Variants in GYPB observed in about 807,000 individuals in gnomAD.
GYPB encodes glycophorin-B.
A neutral mutation model predicts 15.3 loss-of-function variants in GYPB; 13 were observed. The ratio of observed to expected loss-of-function variants is 0.85; its 90% confidence interval spans 0.55 to 1.35. The LOEUF (loss-of-function observed/expected upper bound fraction) is 1.35, where lower values mean the gene tolerates loss of function less well. GYPB is among the 40% of genes most tolerant of loss of function. The pLI, the probability that GYPB is intolerant of heterozygous loss-of-function variation, is 0.00. For synonymous variants in GYPB, 38 were observed against 36.9 expected, an observed-to-expected ratio of 1.03 and a Z score of -0.11; for missense variants, 131 against 108.3, an observed-to-expected ratio of 1.21 and a Z score of -0.93.
At chr4:144,014,507 T>C (rs1460487127) in intron 1 of GYPB, among the ~76,000 whole-genome samples, 1 of 149,650 alleles carries the variant, frequency 6.7e-6, no homozygotes, top group Non-Finnish European at 1.5e-5. Context: ...TGAACTTTAT[T>C]TTAGGTGAAA....
At chr4:144,016,792 A>T in intron 1 of GYPB, 1 of 428,994 alleles carries the variant, frequency 2.3e-6, no homozygotes, top group Non-Finnish European at 4.6e-6. Flanking sequence ...CCTTGAAAAC[A>T]CTAACTTACC....
intron 1 of GYPB, among the ~76,000 whole-genome samples, chr4:144,005,997 T>C (rs1396942685): frequency 2.6e-5 from 4 of 151,554 alleles, no homozygotes; most frequent in Non-Finnish European, 5.9e-5. Context: ...ATCTCTCAGA[T>C]TGATAAGAGT....
At chr4:144,011,390 C>A (rs567416588) in intron 1 of GYPB, among the ~76,000 whole-genome samples, 1 of 151,222 alleles carries the variant, frequency 6.6e-6, no homozygotes, top group South Asian at 2.1e-4. Flanking sequence ...CAAAATAAAG[C>A]AATAAATACA....
chr4:144,009,341 C>A (rs1436959775), intron 1 of GYPB, among the ~76,000 whole-genome samples: 4 of 151,252 alleles, frequency 2.6e-5, no homozygotes, highest in African/African-American at 9.9e-5. Context: ...GATCCCTTAG[C>A]ACAAGTATTA....
rs538604432 is a variant in GYPB at position 144,011,437 on chromosome 4, G to C, written c.37+7814C>G. On this transcript the variant is annotated intron_variant, in intron 1 of 4. Coordinates refer to ENST00000502664, the MANE Select transcript of GYPB (RefSeq NM_002100.6). ...ACAGGAATAACCATATTAATCTTAG[G>C]CAAAGTAGAATTAAGAGAAAAGACA... is the stretch of plus-strand genomic sequence containing the variant. Among the ~76,000 whole-genome samples, 83 of 151,142 alleles carry C rather than the reference G, an allele frequency of 5.5e-4. 5 individuals carry two copies. Among genetic ancestry groups the C allele is most frequent in the African/African-American group, 1.9e-3 (78 of 40,518 alleles).
intron 1 of GYPB, among the ~76,000 whole-genome samples, chr4:144,007,480 C>T (rs1039228976): frequency 8.6e-5 from 13 of 150,952 alleles, no homozygotes; most frequent in African/African-American, 2.7e-4. Context: ...TTCAGGAAGC[C>T]TGAACTTTTT....
At chr4:143,996,964 T>C (rs1420243812) in intron 4 of GYPB, among the ~76,000 whole-genome samples, 1 of 150,956 alleles carries the variant, frequency 6.6e-6, no homozygotes, top group Non-Finnish European at 1.5e-5. Context: ...TGGAGTGCAG[T>C]AGCATGATCA....
intron 1 of GYPB, chr4:144,016,816 T>C (rs1728524100): frequency 6.7e-6 from 3 of 450,540 alleles, no homozygotes; most frequent in South Asian, 1.6e-5. Context: ...TGTTTCAGAA[T>C]TTTTGCTCTT....
chr4:144,018,926 A>G (rs1728644485), intron 1 of GYPB, among the ~76,000 whole-genome samples: 2 of 151,504 alleles, frequency 1.3e-5, no homozygotes, highest in Non-Finnish European at 1.5e-5. Flanking sequence ...GAATCTCCTT[A>G]TAACTCAAAC....
At chr4:144,000,323 G>T (rs1043059268) in intron 2 of GYPB, 19 of 346,442 alleles carry the variant, frequency 5.5e-5, no homozygotes, top group Non-Finnish European at 8.1e-5. Flanking sequence ...TACAGCTCGT[G>T]TAAATAGAGT....
intron 3 of GYPB, among the ~76,000 whole-genome samples, chr4:143,998,791 G>A (rs1727455899): frequency 6.9e-6 from 1 of 144,822 alleles, no homozygotes; most frequent in African/African-American, 2.6e-5. Flanking sequence ...AAGCTCTTAT[G>A]AGGCTTCTTT....
chr4:144,016,670 T>C, intron 1 of GYPB: 1 of 341,104 alleles, frequency 2.9e-6, no homozygotes, highest in South Asian at 2.4e-5. Context: ...CAAAAAGCTT[T>C]TGGAGACTCC....
In GYPB at chr4:143,996,148, C is replaced by G; in HGVS notation, c.*151G>C. On this transcript the variant is annotated 3_prime_UTR_variant, in exon 5 of 5. Coordinates refer to ENST00000502664, the MANE Select transcript of GYPB (RefSeq NM_002100.6). The stretch of plus-strand genomic sequence containing the variant: ...TATTTTTATTTAGAAGTAGAGAATA[C>G]AGTAATAGTGAGGCAGGAGAACAGG... 6.7e-7 allele frequency: 1 copy of G among 1,492,688 alleles called. No individual in the cohort carries two copies. Among genetic ancestry groups the G allele is most frequent in the Non-Finnish European group, 9.0e-7 (1 of 1,112,270 alleles). The allele number at this position is 1,492,688 out of a possible 1,614,324, so 92.5% of individuals were successfully genotyped here.
rs1294561218 is a variant in GYPB at position 144,005,890 on chromosome 4, G to A, written c.38-4607C>T. On this transcript the variant is annotated intron_variant, in intron 1 of 4. Coordinates refer to ENST00000502664, the MANE Select transcript of GYPB (RefSeq NM_002100.6). ...TTTTAGGTGAAGATGCAGAGGAGGA[G>A]GGATAAAGAAATAGCATGGGCTAAC... Among the ~76,000 whole-genome samples the A allele has an allele frequency of 2.0e-5, 3 of 151,232 alleles. 1 individual carries two copies. The highest frequency in any genetic ancestry group is 7.4e-5 in the African/African-American group (3 of 40,674).
At chr4:143,996,554 C>T (rs1579042961) in intron 4 of GYPB, among the ~76,000 whole-genome samples, 1 of 150,906 alleles carries the variant, frequency 6.6e-6, no homozygotes, top group Non-Finnish European at 1.5e-5. Context: ...CACTTGAGGT[C>T]AGGAGTTTGA....
At chr4:144,004,467 A>G (rs1253511987) in intron 1 of GYPB, among the ~76,000 whole-genome samples, 1 of 151,950 alleles carries the variant, frequency 6.6e-6, no homozygotes, top group Admixed American at 6.5e-5. Context: ...AATAGTTCCC[A>G]TAAAAATGAG....
intron 1 of GYPB, among the ~76,000 whole-genome samples, chr4:144,009,950 C>T (rs1374311078): frequency 6.6e-6 from 1 of 150,996 alleles, no homozygotes; most frequent in Non-Finnish European, 1.5e-5. Flanking sequence ...AAGTAAAAAT[C>T]ATTTGTAACT....
chr4:143,998,658 G>T (rs1415237368), intron 3 of GYPB, among the ~76,000 whole-genome samples: 1 of 139,956 alleles, frequency 7.1e-6, no homozygotes, highest in Non-Finnish European at 1.5e-5. Context: ...TCCCTAAGTG[G>T]TTGCATTGGG....
At chr4:144,009,341 C>T (rs1436959775) in intron 1 of GYPB, among the ~76,000 whole-genome samples, 1 of 151,136 alleles carries the variant, frequency 6.6e-6, no homozygotes, top group Non-Finnish European at 1.5e-5. Flanking sequence ...GATCCCTTAG[C>T]ACAAGTATTA....
Sources: allele counts gnomAD v4.1 joint callset (sites outside exome capture counted in the v4.1 genomes callset), GRCh38; gene constraint gnomAD v4.1.1; transcripts MANE v1.5; gene names NCBI Gene and HGNC (gene_info 2026-07-23, HGNC 2026-07-21).